PAX5: variants seen among roughly 807,000 people sequenced by gnomAD.
PAX5 encodes paired box 5.
In PAX5, 9 loss-of-function variants were observed where a neutral mutation model predicts 43.7. The ratio of observed to expected loss-of-function variants is 0.21; its 90% CI spans 0.12 to 0.36. The LOEUF (loss-of-function observed/expected upper bound fraction) is 0.36, where lower values mean the gene tolerates loss of function less well. PAX5 is among the 10% of genes least tolerant of loss of function. The pLI, the probability that PAX5 is intolerant of heterozygous loss-of-function variation, is 1.00. For synonymous variants in PAX5, 228 were observed against 214.3 expected, an observed-to-expected ratio of 1.06 and a Z score of -0.56; for missense variants, 383 against 532.7, an observed-to-expected ratio of 0.72 and a Z score of 2.77.
At chr9:36,930,928 A>G (rs1313621291) in intron 6 of PAX5, 1 of 997,790 alleles carries the variant, frequency 1.0e-6, no homozygotes, top group East Asian at 4.7e-5. Context: ...GTATTGTCTC[A>G]TCAGCACGGG....
intron 3 of PAX5, among the ~76,000 whole-genome samples, chr9:37,010,634 C>T (rs1838842260): frequency 6.6e-6 from 1 of 152,184 alleles, no homozygotes; most frequent in South Asian, 2.1e-4. Context: ...GCCCCACCAC[C>T]AGTCCTCACA....
chr9:37,020,934 T>C, intron 1 of PAX5, 133 bp from the exon 2 acceptor site: 1 of 847,200 alleles, frequency 1.2e-6, no homozygotes, highest in Non-Finnish European at 1.9e-6. Flanking sequence ...GCGCCTGGAG[T>C]CCAATCGTGC....
chr9:36,986,006 G>T (rs959145961), intron 5 of PAX5, among the ~76,000 whole-genome samples: 1 of 151,886 alleles, frequency 6.6e-6, no homozygotes, highest in Non-Finnish European at 1.5e-5. Context: ...CACGCTGCGC[G>T]TCCGCCATCC....
intron 7 of PAX5, among the ~76,000 whole-genome samples, chr9:36,886,980 C>T (rs1326457518): frequency 1.3e-5 from 2 of 152,178 alleles, no homozygotes; most frequent in African/African-American, 4.8e-5. Context: ...AAATAACTCA[C>T]TCTTTGCAAT....
intron 6 of PAX5, among the ~76,000 whole-genome samples, chr9:36,938,354 C>G (rs2132044837): frequency 6.6e-6 from 1 of 152,250 alleles, no homozygotes; most frequent in Middle Eastern, 3.4e-3. Flanking sequence ...CGTCTAAAGG[C>G]TTGGTCTGAG....
rs767745498 is a variant in PAX5 at position 36,966,621 on chromosome 9, C to T, written c.708G>A (p.Val236=). 263 of 1,614,130 alleles carry T rather than the reference C, an allele frequency of 1.6e-4. No individual in the cohort carries two copies. The highest frequency in any genetic ancestry group is 2.0e-4 in the Non-Finnish European group (232 of 1,180,054). The change falls in exon 6 of 10, where the codon GTG becomes GTA. Residue 236 remains valine, a synonymous_variant. Coordinates refer to ENST00000358127, the MANE Select transcript of PAX5 (RefSeq NM_016734.3). ...GDLFTQQQLE[V]LDRVFERQHY... ...GCTGCCTCTCAAACACGCGGTCCAG[C>T]ACCTCCAGCTGCTGCTGTGTGAACA... is the stretch of plus-strand genomic sequence containing the variant.
intron 7 of PAX5, among the ~76,000 whole-genome samples, chr9:36,904,626 G>A (rs1221253285): frequency 6.6e-6 from 1 of 152,022 alleles, no homozygotes; most frequent in Non-Finnish European, 1.5e-5. Context: ...AAAAAAAAAG[G>A]CAGCAGACTA....
chr9:36,918,535 C>T (rs1025300362), intron 7 of PAX5, among the ~76,000 whole-genome samples: 16 of 152,054 alleles, frequency 1.1e-4, no homozygotes, highest in East Asian at 3.9e-4. Context: ...TGGTGGTGCA[C>T]GCCTGTAGTC....
At chr9:36,920,356 ATCAT>A (rs912367620) in intron 7 of PAX5, among the ~76,000 whole-genome samples, 13 of 152,170 alleles carry the variant, frequency 8.5e-5, no homozygotes, top group Non-Finnish European at 1.5e-4. Context: ...AGCAAACTTC[ATCAT>A]TGTCTATTTT....
chr9:36,857,740 A>G (rs1823812071), intron 8 of PAX5, among the ~76,000 whole-genome samples: 1 of 152,226 alleles, frequency 6.6e-6, no homozygotes, highest in Non-Finnish European at 1.5e-5. Context: ...TCTTTCAAGA[A>G]AGAGGCCAGT....
chr9:36,923,339 C>A lies in PAX5; in HGVS notation c.910+16G>T, dbSNP rs778029143. 1.2e-6 allele frequency: 2 copies of A among 1,606,684 alleles called. No homozygotes were observed. Among genetic ancestry groups the A allele is most frequent in the South Asian group, 1.1e-5 (1 of 90,578 alleles). ...CTCTCTCCCTCACTCATCCCCCATG[C>A]CCCAGGTGCCCTCACCTGTCACAAT... On this transcript the variant is annotated intron_variant, in intron 7 of 9. Transcript: ENST00000358127.
At chr9:36,914,981 G>A (rs1215245111) in intron 7 of PAX5, among the ~76,000 whole-genome samples, 1 of 152,186 alleles carries the variant, frequency 6.6e-6, no homozygotes, top group African/African-American at 2.4e-5. Context: ...GGTACAGATA[G>A]TTCTATTTAA....
intron 7 of PAX5, among the ~76,000 whole-genome samples, chr9:36,886,678 A>AT (rs78532154): frequency 0.053 from 8,039 of 151,386 alleles, 233 homozygotes; most frequent in Middle Eastern, 0.11. Flanking sequence ...CATTTCTTTC[A>AT]TTTTTTTTTA....
At chr9:36,956,087 A>G (rs2132133180) in intron 6 of PAX5, among the ~76,000 whole-genome samples, 1 of 152,318 alleles carries the variant, frequency 6.6e-6, no homozygotes, top group African/African-American at 2.4e-5. Flanking sequence ...CAAATATTGG[A>G]TAGCCTTGTT....
chr9:37,028,375 C>G (rs927996367), intron 1 of PAX5, among the ~76,000 whole-genome samples: 1 of 152,234 alleles, frequency 6.6e-6, no homozygotes, highest in Non-Finnish European at 1.5e-5. Flanking sequence ...TCCTCGTCGT[C>G]CACCCTCCTC....
At chr9:36,980,563 C>A (rs961646183) in intron 5 of PAX5, among the ~76,000 whole-genome samples, 4 of 152,182 alleles carry the variant, frequency 2.6e-5, no homozygotes, top group Admixed American at 2.0e-4. Context: ...TCCAGTCAGT[C>A]CCTTGTCTGA....
At chr9:36,941,508 C>T (rs1388507493) in intron 6 of PAX5, among the ~76,000 whole-genome samples, 3 of 152,174 alleles carry the variant, frequency 2.0e-5, no homozygotes, top group Non-Finnish European at 4.4e-5. Flanking sequence ...GGCTCCAGCT[C>T]ATGCCCTGGA....
chr9:36,994,349 C>T (rs1837207277), intron 5 of PAX5, among the ~76,000 whole-genome samples: 1 of 152,236 alleles, frequency 6.6e-6, no homozygotes, highest in African/African-American at 2.4e-5. Flanking sequence ...CCTGCGCCCT[C>T]TGTGCCTGGA....
At chr9:36,988,694 A>G (rs1836681200) in intron 5 of PAX5, among the ~76,000 whole-genome samples, 1 of 149,614 alleles carries the variant, frequency 6.7e-6, no homozygotes, top group African/African-American at 2.5e-5. Context: ...AAAGAGAGAG[A>G]GAGAGAGAAA....
Sources: allele counts gnomAD v4.1 joint callset (sites outside exome capture counted in the v4.1 genomes callset), GRCh38; gene constraint gnomAD v4.1.1; transcripts MANE v1.5; gene names NCBI Gene and HGNC (gene_info 2026-07-23, HGNC 2026-07-21).